HJV: variants seen among roughly 807,000 people sequenced by gnomAD.
HJV encodes the protein hemojuvelin.
In HJV, 18 loss-of-function variants were observed where a neutral mutation model predicts 22.7. The ratio of observed to expected loss-of-function variants is 0.79; its 90% CI spans 0.55 to 1.18. The LOEUF is 1.18. HJV is among the 50% of genes most tolerant of loss of function. The pLI is 0.00. For synonymous variants in HJV, 229 were observed against 222.7 expected (o/e 1.03, Z -0.25); for missense variants, 572 against 553.0 (o/e 1.03, Z -0.34).
chr1:146,018,138 G>A lies in HJV; in HGVS notation c.1220C>T (p.Ser407Leu). Residue 407 changes from serine to leucine, a missense_variant, in exon 4 of 4, where the codon TCA (serine) becomes TTA (leucine). By Grantham distance (145) the Ser-to-Leu change is moderately radical. Transcript: ENST00000336751. ...FPSDAGVPLS[S>L]ATLLAPLLSG... The stretch of plus-strand genomic sequence containing the variant: ...AAGGAGTGGAGCTAAGAGGGTTGCT[G>A]AGGAAAGAGGAACCCCAGCATCTGA... 1 of 1,614,194 alleles carries A rather than the reference G, an allele frequency of 6.2e-7. No individual in the cohort carries two copies. Among genetic ancestry groups the A allele is most frequent in the South Asian group, 1.1e-5 (1 of 91,074 alleles).
At position 146,019,974 on chromosome 1, in the gene HJV, C is replaced by T. The variant is rs189294369; in HGVS notation, c.97+161G>A. Among the ~76,000 whole-genome samples the T allele has an allele frequency of 7.9e-5, 12 of 152,258 alleles. No individual in the cohort carries two copies. The East Asian group carries it at 2.3e-3, about 29-fold the overall frequency. ...ACCAAGGGCTTCCCCAGTGGCCTTCCCCAGACTGAACGGGAAATAAAATAT... is the reference window on the plus strand; with the variant it reads ...ACCAAGGGCTTCCCCAGTGGCCTTCTCCAGACTGAACGGGAAATAAAATAT... On this transcript the variant is annotated intron_variant, in intron 2 of 3. Coordinates refer to ENST00000336751, the MANE Select transcript of HJV (RefSeq NM_213653.4).
In HJV at chr1:146,019,602, C is replaced by A; in HGVS notation, c.230G>T (p.Gly77Val). 3 of 1,613,674 alleles carry A rather than the reference C, an allele frequency of 1.9e-6. No individual in the cohort carries two copies. The highest frequency in any genetic ancestry group is 2.5e-6 in the Non-Finnish European group (3 of 1,179,998). ...GGGRGGGVGS[G>V]GLCRALRSYA... ...GGAGCGGAGGGCTCGACAGAGGCCG[C>A]CAGAGCCCACCCCTCCACCCCGGCC... The change falls in exon 3 of 4, where the codon GGC becomes GTC. Residue 77 changes from glycine (G) to valine (V), a missense_variant. Physicochemically the swap from Gly to Val is moderately radical, Grantham distance 109 (BLOSUM62 -3). Coordinates refer to ENST00000336751, the MANE Select transcript of HJV (RefSeq NM_213653.4).
At position 146,019,161 on chromosome 1, in the gene HJV, A is replaced by G. The variant is rs781823899; in HGVS notation, c.657+14T>C. 1 of 1,602,338 alleles carries G rather than the reference A, an allele frequency of 6.2e-7. No individual in the cohort carries two copies. Among genetic ancestry groups the G allele is most frequent in the Non-Finnish European group, 8.6e-7 (1 of 1,169,246 alleles). ...TCTCATGAGGTGGATCGGAAGGAAG[A>G]TTGAGTGCCTGACCTTCCGGGTGGC... On this transcript the variant is annotated intron_variant, in intron 3 of 3. Coordinates refer to ENST00000336751, the MANE Select transcript of HJV (RefSeq NM_213653.4).
At position 146,020,209 on chromosome 1, in the gene HJV, G is replaced by A. The variant is rs377542495; in HGVS notation, c.23C>T (p.Pro8Leu). The stretch of plus-strand genomic sequence containing the variant: ...ACTGCCATGGGAGGACCTGGGACTA[G>A]GGGACTGGCCTGGCTCCCCCATACC... MGEPGQS[P>L]SPRSSHGSPP... The change falls in exon 2 of 4, where the codon CCT (proline) becomes CTT (leucine). Residue 8 changes from proline to leucine, a missense_variant. Physicochemically the swap from Pro to Leu is moderately conservative, Grantham distance 98 (BLOSUM62 -3). Transcript: ENST00000336751. 6.2e-7 allele frequency: 1 copy of A among 1,612,976 alleles called. No individual in the cohort carries two copies. The highest frequency in any genetic ancestry group is 8.5e-7 in the Non-Finnish European group (1 of 1,178,994).
rs1652579094 is a variant in HJV at position 146,019,531 on chromosome 1, G to A, written c.301C>T (p.Leu101Phe). The A allele has an allele frequency of 6.2e-7, 1 of 1,613,022 alleles. No individual in the cohort carries two copies. Among genetic ancestry groups the A allele is most frequent in the Non-Finnish European group, 8.5e-7 (1 of 1,179,928 alleles). The change falls in exon 3 of 4, where the codon CTC (leucine) becomes TTC (phenylalanine). Residue 101 changes from leucine to phenylalanine, a missense_variant. Leu to Phe is a conservative substitution (Grantham distance 22, BLOSUM62 0). Coordinates refer to ENST00000336751, the MANE Select transcript of HJV (RefSeq NM_213653.4). ...CCATGTACCGCCGAATGGAAGGCGAGGTCCCCGCGGCAGGTGCGGGCGGTG... is the reference window on the plus strand; with the variant it reads ...CCATGTACCGCCGAATGGAAGGCGAAGTCCCCGCGGCAGGTGCGGGCGGTG... ...RRTARTCRGD[L>F]AFHSAVHGIE...
intron 3 of HJV, 73 bp from the exon 4 acceptor site, chr1:146,018,773 G>A: frequency 1.4e-6 from 2 of 1,480,416 alleles, no homozygotes; most frequent in East Asian, 2.3e-5. Context: ...CTCATACATA[G>A]TTAGAGATCT....
rs782048799 is a variant in HJV, at chr1:146,019,614, C to T, written c.218G>A (p.Gly73Glu). The T allele has an allele frequency of 5.0e-6, 8 of 1,613,638 alleles. No individual in the cohort carries two copies. The East Asian group carries it at 1.1e-4, about 22-fold the overall frequency. Reference sequence around the variant, plus strand: ...TCGACAGAGGCCGCCAGAGCCCACCCCTCCACCCCGGCCTCCTCCTCCTCC... The same window carrying T: ...TCGACAGAGGCCGCCAGAGCCCACCTCTCCACCCCGGCCTCCTCCTCCTCC... Reference protein sequence around the residue: ...RGGGGGGRGGGVGSGGLCRAL... With the variant: ...RGGGGGGRGGEVGSGGLCRAL... Residue 73 changes from glycine (G) to glutamate (E), a missense_variant, in exon 3 of 4, where the codon GGG becomes GAG. By Grantham distance (98) the Gly-to-Glu change is moderately conservative (BLOSUM62 -2). Transcript: ENST00000336751.
intron 2 of HJV, 45 bp downstream of exon 2, chr1:146,020,090 C>T (rs782694640): frequency 2.9e-6 from 4 of 1,359,954 alleles, no homozygotes; most frequent in South Asian, 2.3e-5. Flanking sequence ...TACATAGCAG[C>T]CTACCCTCTA....
Position 146,018,957 on chromosome 1 carries a change from G to A in HJV, c.657+218C>T, listed in dbSNP as rs10218795. ...CTCCTCAGGTCCGCCCTCTCCGACT[G>A]TCTCTTCAAGGTTTTCTGCATTTGA... On this transcript the variant is annotated intron_variant, in intron 3 of 3. Coordinates refer to ENST00000336751, the MANE Select transcript of HJV (RefSeq NM_213653.4). 0.15 allele frequency among the ~76,000 whole-genome samples: 22,315 copies of A among 152,158 alleles called. 2,981 individuals carry two copies. Among genetic ancestry groups the A allele is most frequent in the African/African-American group, 0.34 (14,238 of 41,456 alleles).
intron 1 of HJV, among the ~76,000 whole-genome samples, chr1:146,021,039 T>G (rs1315260132): frequency 2.0e-5 from 3 of 152,206 alleles, no homozygotes; most frequent in Admixed American, 6.5e-5. Context: ...TCTTTTATGA[T>G]GACAGGAGTT....
In HJV at chr1:146,019,240, A is replaced by C. The variant is rs202180588; in HGVS notation, c.592T>G (p.Phe198Val). The C allele has an allele frequency of 1.8e-4, 297 of 1,613,918 alleles. No individual in the cohort carries two copies. Among genetic ancestry groups the C allele is most frequent in the Non-Finnish European group, 2.4e-4 (287 of 1,180,040 alleles). ...QGAWPLLDND[F>V]LFVQATSSPM... ...GAGCTGGTGGCTTGGACAAAGAGGA[A>C]GTCATTATCCAGTAGAGGCCAAGCT... is the stretch of plus-strand genomic sequence containing the variant. Residue 198 changes from phenylalanine (F) to valine (V), a missense_variant, in exon 3 of 4, where the codon TTC (phenylalanine) becomes GTC (valine). Physicochemically the swap from Phe to Val is conservative, Grantham distance 50. Transcript: ENST00000336751.
Position 146,018,443 on chromosome 1 carries a change from G to A in HJV, c.915C>T (p.Ala305=), listed in dbSNP as rs370889974. ...GGTCCTGTTCAGCTGAGAAGGCCATGGCCACATCCTCTGCTACCTTGATGG... is the reference window on the plus strand; with the variant it reads ...GGTCCTGTTCAGCTGAGAAGGCCATAGCCACATCCTCTGCTACCTTGATGG... ...SFSIKVAEDV[A]MAFSAEQDLQ... Residue 305 remains alanine, a synonymous_variant, in exon 4 of 4, where the codon GCC becomes GCT. Transcript: ENST00000336751. 8 of 1,614,034 alleles carry A rather than the reference G, an allele frequency of 5.0e-6. No homozygotes were observed. In the African/African-American group the frequency reaches 1.1e-4, roughly 22 times the overall value.
At position 146,019,650 on chromosome 1, in the gene HJV, G is replaced by T; in HGVS notation, c.182C>A (p.Ala61Glu). ...GCCTCCTCCTCCTCCTCCTCGAAGTGCTCCTGATGAACCCCCACCTCTAAG... is the reference window on the plus strand; with the variant it reads ...GCCTCCTCCTCCTCCTCCTCGAAGTTCTCCTGATGAACCCCCACCTCTAAG... ...LSLRGGGSSG[A>E]LRGGGGGGRG... The change falls in exon 3 of 4, where the codon GCA becomes GAA. Residue 61 changes from alanine to glutamate, a missense_variant. By Grantham distance (107) the Ala-to-Glu change is moderately radical. Coordinates refer to ENST00000336751, the MANE Select transcript of HJV (RefSeq NM_213653.4). The T allele has an allele frequency of 6.2e-7, 1 of 1,613,114 alleles. No homozygotes were observed. The highest frequency in any genetic ancestry group is 1.1e-5 in the South Asian group (1 of 91,042).
intron 2 of HJV, 32 bp from the exon 3 acceptor site, chr1:146,019,766 G>C (rs1282180919): frequency 1.2e-6 from 2 of 1,613,782 alleles, no homozygotes; most frequent in Admixed American, 1.7e-5. Flanking sequence ...TTGTGAGACG[G>C]TCCTCAGACC....
Position 146,019,581 on chromosome 1 carries a change from C to A in HJV, c.251G>T (p.Arg84Leu). 2 of 1,613,490 alleles carry A rather than the reference C, an allele frequency of 1.2e-6. No homozygotes were observed. Among genetic ancestry groups the A allele is most frequent in the Non-Finnish European group, 1.7e-6 (2 of 1,179,994 alleles). ...VGSGGLCRAL[R>L]SYALCTRRTA... is the part of the protein sequence containing the mutation. The stretch of plus-strand genomic sequence containing the variant: ...GCGCCGAGTGCAGAGCGCATAGGAG[C>A]GGAGGGCTCGACAGAGGCCGCCAGA... Residue 84 changes from arginine (R) to leucine (L), a missense_variant, in exon 3 of 4, where the codon CGC (arginine) becomes CTC (leucine). By Grantham distance (102) the Arg-to-Leu change is moderately radical (BLOSUM62 -2). Transcript: ENST00000336751.
chr1:146,018,490 T>C lies in HJV; in HGVS notation c.868A>G (p.Thr290Ala), dbSNP rs587652398. The C allele has an allele frequency of 1.2e-6, 2 of 1,614,206 alleles. No homozygotes were observed. The highest frequency in any genetic ancestry group is 3.3e-5 in the Admixed American group (2 of 60,032). The change falls in exon 4 of 4, where the codon ACA becomes GCA. Residue 290 changes from threonine to alanine, a missense_variant. Transcript: ENST00000336751. Reference sequence around the variant, plus strand: ...ATGGAGAAGGAGAGCTGCCCAGCTGTCTGCCGAATGATTATAGTTGTGCCA... The same window carrying C: ...ATGGAGAAGGAGAGCTGCCCAGCTGCCTGCCGAATGATTATAGTTGTGCCA... Reference protein sequence around the residue: ...YIGTTIIIRQTAGQLSFSIKV... With the variant: ...YIGTTIIIRQAAGQLSFSIKV...
chr1:146,019,759 T>A, intron 2 of HJV, 25 bp from the exon 3 acceptor site: 1 of 1,614,006 alleles, frequency 6.2e-7, no homozygotes. Flanking sequence ...GAGAGGATTG[T>A]GAGACGGTCC....
rs1469129426 is a variant in HJV, at chr1:146,019,636, C to G, written c.196G>C (p.Gly66Arg). ...ACCCCTCCACCCCGGCCTCCTCCTCCTCCTCCTCGAAGTGCTCCTGATGAA... is the reference window on the plus strand; with the variant it reads ...ACCCCTCCACCCCGGCCTCCTCCTCGTCCTCCTCGAAGTGCTCCTGATGAA... ...GGSSGALRGG[G>R]GGGRGGGVGS... The change falls in exon 3 of 4, where the codon GGA becomes CGA. Residue 66 changes from glycine to arginine, a missense_variant. By Grantham distance (125) the Gly-to-Arg change is moderately radical (BLOSUM62 -2). Coordinates refer to ENST00000336751, the MANE Select transcript of HJV (RefSeq NM_213653.4). The G allele has an allele frequency of 6.2e-7, 1 of 1,613,844 alleles. No homozygotes were observed. Among genetic ancestry groups the G allele is most frequent in the African/African-American group, 1.3e-5 (1 of 74,934 alleles).
intron 2 of HJV, 49 bp downstream of exon 2, chr1:146,020,086 G>T (rs782180759): frequency 1.5e-6 from 2 of 1,317,758 alleles, no homozygotes; most frequent in Non-Finnish European, 2.2e-6. Flanking sequence ...CCCCTACATA[G>T]CAGCCTACCC....
Sources: gnomAD v4.1 joint callset for allele counts (sites outside exome capture counted in the v4.1 genomes callset) on GRCh38, gnomAD v4.1.1 for gene constraint, MANE v1.5 for transcripts, NCBI Gene and HGNC (gene_info 2026-07-23, HGNC 2026-07-21) for gene names.